The following RIPPLY2 variants were observed in gnomAD, a reference collection of about 807,000 sequenced individuals.
The protein encoded by RIPPLY2 is protein ripply2.
RIPPLY2 carries 20 observed loss-of-function variants against 17.7 expected under a neutral mutation model. The ratio of observed to expected loss-of-function variants is 1.13; its 90% CI spans 0.79 to 1.64. RIPPLY2 has a LOEUF of 1.64. Ranked by LOEUF, RIPPLY2 falls within the 40% of genes most tolerant of loss-of-function variation. The pLI is 0.00. For synonymous variants in RIPPLY2, 69 were observed against 63.9 expected, an observed-to-expected ratio of 1.08 and a Z score of -0.38; for missense variants, 213 against 169.8, an observed-to-expected ratio of 1.25 and a Z score of -1.41.
At chr6:83,853,973 G>T in intron 2 of RIPPLY2, 124 bp from the exon 3 acceptor site, 3 of 1,098,644 alleles carry the variant, frequency 2.7e-6, no homozygotes, top group Non-Finnish European at 4.1e-6. Context: ...ACCCAGCCGG[G>T]AGCGAGGCTG....
At chr6:83,854,566 C>G (rs2099454709) in intron 3 of RIPPLY2, 1 of 189,008 alleles carries the variant, frequency 5.3e-6, no homozygotes, top group African/African-American at 2.3e-5. Context: ...TTAACAGTTA[C>G]AGTCTTACAA....
Position 83,854,156 on chromosome 6 carries a change from A to G in RIPPLY2, c.234A>G (p.Pro78=), listed in dbSNP as rs1172693794. Reference sequence around the variant, plus strand: ...GAAAGCTTTACCAATTCAGGCACCCAGTCAGGTGAGTGACAGGCCTCGCCG... The same window carrying G: ...GAAAGCTTTACCAATTCAGGCACCCGGTCAGGTGAGTGACAGGCCTCGCCG... The part of the protein sequence containing the change: ...ASGKLYQFRH[P]VRLFWPKSKC... The change falls in exon 3 of 4, where the codon CCA becomes CCG. Residue 78 remains proline, a synonymous_variant. Transcript: ENST00000369689. 21 of 1,613,764 alleles carry G rather than the reference A, an allele frequency of 1.3e-5. No homozygotes were observed. Among genetic ancestry groups the G allele is most frequent in the Non-Finnish European group, 1.8e-5 (21 of 1,179,800 alleles).
Position 83,854,163 on chromosome 6 carries a change from T to C in RIPPLY2, c.239+2T>C. The C allele has an allele frequency of 6.2e-7, 1 of 1,613,552 alleles. No homozygotes were observed. The highest frequency in any genetic ancestry group is 8.5e-7 in the Non-Finnish European group (1 of 1,179,586). On this transcript the variant is annotated splice_donor_variant, in intron 3 of 3. Coordinates refer to ENST00000369689, the MANE Select transcript of RIPPLY2 (RefSeq NM_001009994.3). LOFTEE classifies it high-confidence loss of function. ...TTACCAATTCAGGCACCCAGTCAGGTGAGTGACAGGCCTCGCCGAAGGTCT... is the reference window on the plus strand; with the variant it reads ...TTACCAATTCAGGCACCCAGTCAGGCGAGTGACAGGCCTCGCCGAAGGTCT...
chr6:83,854,034 T>C (rs901425481), intron 2 of RIPPLY2, 63 bp from the exon 3 acceptor site: 4 of 1,468,566 alleles, frequency 2.7e-6, no homozygotes, highest in East Asian at 4.5e-5. Context: ...CACTGGGTCG[T>C]GCACGTTTCC....
chr6:83,854,063 G>A (rs1262855441), intron 2 of RIPPLY2, 34 bp from the exon 3 acceptor site: 3 of 1,585,464 alleles, frequency 1.9e-6, no homozygotes, highest in South Asian at 2.2e-5. Flanking sequence ...GAAGGAGGTG[G>A]GTGATAACTG....
chr6:83,853,804 TC>T, intron 2 of RIPPLY2, 31 bp downstream of exon 2: 1 of 1,585,166 alleles, frequency 6.3e-7, no homozygotes, highest in Non-Finnish European at 8.6e-7. Context: ...AGGCCGCGCC[TC>T]CCACGGGTGC....
At chr6:83,854,001 A>G in intron 2 of RIPPLY2, 96 bp from the exon 3 acceptor site, 1 of 1,257,972 alleles carries the variant, frequency 7.9e-7, no homozygotes, top group Non-Finnish European at 1.2e-6. Flanking sequence ...CCCTGGGGTT[A>G]CATTCCCAGC....
At chr6:83,853,655 C>G (rs375912892) in intron 1 of RIPPLY2, 40 bp from the exon 2 acceptor site, 1 of 1,599,064 alleles carries the variant, frequency 6.3e-7, no homozygotes, top group Non-Finnish European at 8.5e-7. Flanking sequence ...GGTCTGGGCT[C>G]ACGTCTCCTC....
chr6:83,857,172 A>G, intron 3 of RIPPLY2, 70 bp from the exon 4 acceptor site: 1 of 1,048,312 alleles, frequency 9.5e-7, no homozygotes, highest in South Asian at 2.2e-5. Context: ...GAGCTCTTGA[A>G]ATTTGACCAT....
Position 83,857,496 on chromosome 6 carries a change from T to C in RIPPLY2, c.*107T>C, listed in dbSNP as rs542662761. On this transcript the variant is annotated 3_prime_UTR_variant, in exon 4 of 4. Coordinates refer to ENST00000369689, the MANE Select transcript of RIPPLY2 (RefSeq NM_001009994.3). Reference sequence around the variant, plus strand: ...AATTTATTTGTATATAAATTATTAATAAAATGAAATATTTTGTAATTATTC... The same window carrying C: ...AATTTATTTGTATATAAATTATTAACAAAATGAAATATTTTGTAATTATTC... 2.6e-5 allele frequency: 15 copies of C among 583,714 alleles called. No homozygotes were observed. The Admixed American group carries it at 4.9e-4, about 19-fold the overall frequency. 36.2% of individuals were successfully genotyped at this position (583,714 alleles called of 1,614,324 possible). A position where few individuals can be genotyped will look rare whatever the true frequency, so the allele number is the denominator to read the frequency against.
intron 3 of RIPPLY2, chr6:83,855,674 A>G (rs1297179482): frequency 6.6e-6 from 1 of 152,212 alleles, no homozygotes; most frequent in Admixed American, 6.5e-5. Context: ...TACGTAAGTT[A>G]GGGGCCCAGA....
chr6:83,853,377 C>G lies in RIPPLY2; in HGVS notation c.-40C>G, dbSNP rs200603790. The G allele has an allele frequency of 5.0e-5, 76 of 1,513,284 alleles. No individual in the cohort carries two copies. The African/African-American group carries it at 8.7e-4, about 17-fold the overall frequency. The allele number at this position is 1,513,284 out of a possible 1,614,324, so 93.7% of individuals were successfully genotyped here. A position where few individuals can be genotyped will look rare whatever the true frequency, so the allele number is the denominator to read the frequency against. On this transcript the variant is annotated 5_prime_UTR_variant, in exon 1 of 4. Coordinates refer to ENST00000369689, the MANE Select transcript of RIPPLY2 (RefSeq NM_001009994.3). ...CCTACTGGAACTGGTCAAGATTGCCCGCGAGCTGGCAGCGGCCTTCCGCCC... is the reference window on the plus strand; with the variant it reads ...CCTACTGGAACTGGTCAAGATTGCCGGCGAGCTGGCAGCGGCCTTCCGCCC...
intron 3 of RIPPLY2, 50 bp downstream of exon 3, chr6:83,854,211 G>A: frequency 6.9e-7 from 1 of 1,448,816 alleles, no homozygotes; most frequent in Non-Finnish European, 9.7e-7. Context: ...GCCCCAGGGA[G>A]GAGCCAGGGG....
intron 2 of RIPPLY2, 87 bp downstream of exon 2, chr6:83,853,860 A>C: frequency 8.1e-7 from 1 of 1,238,992 alleles, no homozygotes; most frequent in Non-Finnish European, 1.2e-6. Flanking sequence ...TGAGAGAGAC[A>C]TGCGAGACAC....
At chr6:83,856,457 T>G (rs2099455005) in intron 3 of RIPPLY2, 1 of 152,210 alleles carries the variant, frequency 6.6e-6, no homozygotes. Context: ...CAGCCTTATC[T>G]CTCCTCTTTC....
chr6:83,853,896 C>G, intron 2 of RIPPLY2, 123 bp downstream of exon 2: 2 of 1,050,846 alleles, frequency 1.9e-6, no homozygotes, highest in Non-Finnish European at 2.8e-6. Context: ...GCTTAACATC[C>G]CGCCTGCCGG....
chr6:83,856,425 G>T (rs1360423620), intron 3 of RIPPLY2: 1 of 152,176 alleles, frequency 6.6e-6, no homozygotes, highest in Non-Finnish European at 1.5e-5. Flanking sequence ...GCACTAAAAT[G>T]ACTGCACTGT....
At chr6:83,854,411 G>A (rs1435399303) in intron 3 of RIPPLY2, 6 of 545,532 alleles carry the variant, frequency 1.1e-5, no homozygotes, top group Non-Finnish European at 1.6e-5. Flanking sequence ...AGGGAAAGGG[G>A]ATGATATGGT....
At chr6:83,854,698 A>AAGTC (rs2099454737) in intron 3 of RIPPLY2, 1 of 154,054 alleles carries the variant, frequency 6.5e-6, no homozygotes, top group African/African-American at 2.4e-5. Flanking sequence ...TAGTCACAGG[A>AAGTC]AGTCAGCCTT....
Sources: allele counts gnomAD v4.1 joint callset, GRCh38; gene constraint gnomAD v4.1.1; transcripts MANE v1.5; gene names NCBI Gene and HGNC (gene_info 2026-07-23, HGNC 2026-07-21).